The following DGKH variants were observed in gnomAD, a reference collection of about 807,000 sequenced individuals.
DGKH encodes the protein DAG kinase eta.
Under a neutral mutation model 159.3 loss-of-function variants are expected in DGKH, and 90 were observed. The observed-to-expected ratio is 0.57, with a 90% CI of 0.48 to 0.67. The LOEUF (loss-of-function observed/expected upper bound fraction) is 0.67, where lower values mean the gene tolerates loss of function less well. Ranked by LOEUF, DGKH falls within the 30% of genes least tolerant of loss-of-function variation. The pLI is 0.00. For synonymous variants in DGKH, 536 were observed against 553.8 expected (o/e 0.97, Z 0.45); for missense variants, 1,181 against 1,506.1 (o/e 0.78, Z 3.57).
chr13:42,219,625 A>C (rs560753281), intron 27 of DGKH, 61 bp from the exon 28 acceptor site: 1 of 1,364,388 alleles, frequency 7.3e-7, no homozygotes, highest in Non-Finnish European at 1.0e-6. Context: ...CCCTATTATC[A>C]GAGTAGGTTT....
intron 1 of DGKH, among the ~76,000 whole-genome samples, chr13:42,062,865 AGT>A (rs1161479660): frequency 6.6e-6 from 1 of 152,222 alleles, no homozygotes; most frequent in Non-Finnish European, 1.5e-5. Flanking sequence ...ATACTTTCAA[AGT>A]GTAGAATCTC....
intron 24 of DGKH, among the ~76,000 whole-genome samples, 195 bp from the exon 25 acceptor site, chr13:42,214,312 A>G (rs1470232669): frequency 6.6e-6 from 1 of 152,002 alleles, no homozygotes. Context: ...TTTTTATTTC[A>G]TATTTTTTGT....
intron 13 of DGKH, among the ~76,000 whole-genome samples, chr13:42,183,418 G>A (rs17520134): frequency 0.085 from 12,897 of 152,090 alleles, 671 homozygotes; most frequent in Middle Eastern, 0.12. Context: ...AATACTGCAT[G>A]TACGCACAGT....
chr13:42,120,206 TC>T (rs2137823353), intron 1 of DGKH, among the ~76,000 whole-genome samples: 1 of 152,324 alleles, frequency 6.6e-6, no homozygotes, highest in South Asian at 2.1e-4. Context: ...ACATCTCCAA[TC>T]TTGGTTTGAA....
chr13:42,142,132 G>C (rs890303918), intron 3 of DGKH, among the ~76,000 whole-genome samples: 12 of 151,968 alleles, frequency 7.9e-5, no homozygotes, highest in Admixed American at 2.6e-4. Flanking sequence ...AGTTTTCCCA[G>C]CACCATTTAT....
At chr13:42,057,497 A>G (rs1460621851) in intron 1 of DGKH, among the ~76,000 whole-genome samples, 2 of 152,214 alleles carry the variant, frequency 1.3e-5, no homozygotes, top group Admixed American at 6.5e-5. Context: ...AGAATATATA[A>G]TATCTCTGTA....
intron 5 of DGKH, among the ~76,000 whole-genome samples, chr13:42,156,907 T>C (rs1201707267): frequency 3.9e-5 from 6 of 152,304 alleles, no homozygotes; most frequent in East Asian, 1.9e-4. Flanking sequence ...CCAGGAGAAG[T>C]TGTTTAACTC....
intron 1 of DGKH, among the ~76,000 whole-genome samples, chr13:42,089,963 T>C (rs1010949558): frequency 1.3e-5 from 2 of 152,190 alleles, no homozygotes; most frequent in African/African-American, 4.8e-5. Context: ...GAAAGGTATT[T>C]GGAAAATTCT....
intron 9 of DGKH, among the ~76,000 whole-genome samples, chr13:42,166,965 AAATATAAAGT>A (rs1345264614): frequency 6.6e-6 from 1 of 152,212 alleles, no homozygotes; most frequent in Non-Finnish European, 1.5e-5. Flanking sequence ...GTAAATATAG[AAATATAAAGT>A]AATATTAGAA....
At chr13:42,158,859 G>A (rs866248685) in intron 5 of DGKH, among the ~76,000 whole-genome samples, 40 of 152,280 alleles carry the variant, frequency 2.6e-4, no homozygotes, top group Middle Eastern at 6.8e-3. Context: ...ACAGCTTGAT[G>A]AATTTTCACA....
At chr13:42,103,745 C>T (rs541080821) in intron 1 of DGKH, among the ~76,000 whole-genome samples, 1 of 152,156 alleles carries the variant, frequency 6.6e-6, no homozygotes, top group African/African-American at 2.4e-5. Flanking sequence ...TTAGTATGTA[C>T]TTGCTAAAGC....
At chr13:42,162,994 T>C (rs1183812573) in intron 7 of DGKH, among the ~76,000 whole-genome samples, 4 of 151,018 alleles carry the variant, frequency 2.6e-5, no homozygotes, top group East Asian at 3.9e-4. Context: ...GTATATCTCC[T>C]AATGCTATCC....
intron 1 of DGKH, among the ~76,000 whole-genome samples, chr13:42,068,307 G>A (rs1185428685): frequency 6.6e-6 from 1 of 152,156 alleles, no homozygotes; most frequent in Non-Finnish European, 1.5e-5. Flanking sequence ...TCACTATAAA[G>A]AATGAATACC....
intron 3 of DGKH, among the ~76,000 whole-genome samples, chr13:42,151,942 T>G (rs1327342882): frequency 6.6e-6 from 1 of 152,144 alleles, no homozygotes; most frequent in African/African-American, 2.4e-5. Flanking sequence ...TTGCTCCACA[T>G]TCTTGCTAAT....
intron 1 of DGKH, among the ~76,000 whole-genome samples, chr13:42,057,267 T>C (rs2137657284): frequency 6.6e-6 from 1 of 152,252 alleles, no homozygotes; most frequent in South Asian, 2.1e-4. Context: ...TATTAAAACA[T>C]ATTTGAGGAA....
At chr13:42,225,458 C>T (rs1308134472) in intron 29 of DGKH, 3 of 920,712 alleles carry the variant, frequency 3.3e-6, no homozygotes, top group Non-Finnish European at 4.7e-6. Flanking sequence ...ACTGTTTATC[C>T]AGGGAAAGAG....
chr13:42,254,987 A>T lies in DGKH; in HGVS notation n.4128-1297A>T, dbSNP rs563682625. Among the ~76,000 whole-genome samples the T allele has an allele frequency of 1.2e-3, 176 of 152,206 alleles. 1 individual carries two copies. In the Middle Eastern group the frequency reaches 0.014, roughly 12 times the overall value. ...AAGATTCTTACATTGCTAGACAAAA[A>T]TTTTTATATTGACTAATTGTTGAAA... On this transcript the variant is annotated intron_variant and non_coding_transcript_variant, in intron 30 of 30. Coordinates refer to the DGKH transcript ENST00000498255.
At chr13:42,159,512 T>C in intron 6 of DGKH, 140 bp downstream of exon 6, 1 of 703,844 alleles carries the variant, frequency 1.4e-6, no homozygotes, top group East Asian at 2.8e-5. Flanking sequence ...GTTTTTATTT[T>C]TAATTCAATC....
Position 42,159,251 on chromosome 13 carries a change from T to TTTTTTTTTTTTTTTTTTTTTTTTTTTTTG in DGKH, c.623-3_623-2insTTTTTTTTTTTTTTTTGTTTTTTTTTTTT. Reference sequence around the variant, plus strand: ...CACTTAAAAGCAGTTGCTCTTTTTTTTTTTTTTTTTTTAGTGTGTAAATTC... The same window carrying TTTTTTTTTTTTTTTTTTTTTTTTTTTTTG: ...CACTTAAAAGCAGTTGCTCTTTTTTTTTTTTTTTTTTTTTTTTTTTTTTTTTTTGTTTTTTTTTTTTAGTGTGTAAATTC... On this transcript the variant is annotated splice_polypyrimidine_tract_variant and intron_variant, in intron 5 of 29. Transcript: ENST00000337343. The TTTTTTTTTTTTTTTTTTTTTTTTTTTTTG allele has an allele frequency of 1.1e-6, 1 of 906,034 alleles. No homozygotes were observed. The highest frequency in any genetic ancestry group is 1.6e-6 in the Non-Finnish European group (1 of 638,308). 56.1% of individuals were successfully genotyped at this position (906,034 alleles called of 1,614,324 possible). A position where few individuals can be genotyped will look rare whatever the true frequency, so the allele number is the denominator to read the frequency against.
Sources: gnomAD v4.1 joint callset for allele counts (sites outside exome capture counted in the v4.1 genomes callset) on GRCh38, gnomAD v4.1.1 for gene constraint, MANE v1.5 for transcripts, NCBI Gene and HGNC (gene_info 2026-07-23, HGNC 2026-07-21) for gene names.